The following TUSC3 variants were observed in gnomAD, a reference collection of about 807,000 sequenced individuals.
TUSC3 encodes dolichyl-diphosphooligosaccharide--protein glycosyltransferase subunit TUSC3.
A neutral mutation model predicts 44.8 loss-of-function variants in TUSC3; 45 were observed. That is an observed-to-expected ratio of 1.00 (90% CI 0.79 to 1.29). TUSC3 has a LOEUF of 1.29. Among genes scored for constraint, TUSC3 ranks in the 50% most tolerant of loss-of-function variants. The pLI is 0.00. For missense variants in TUSC3, 519 were observed against 437.9 expected (o/e 1.19, Z -1.65); for synonymous variants, 212 against 152.9 (o/e 1.39, Z -2.85).
chr8:15,634,034 C>T (rs1440803154), intron 2 of TUSC3, among the ~76,000 whole-genome samples: 1 of 152,150 alleles, frequency 6.6e-6, no homozygotes, highest in Non-Finnish European at 1.5e-5. Flanking sequence ...CTACTGTGAT[C>T]CGAGGGCTGT....
intron 1 of TUSC3, among the ~76,000 whole-genome samples, chr8:15,568,066 C>T (rs989678480): frequency 6.6e-6 from 1 of 152,080 alleles, no homozygotes; most frequent in Non-Finnish European, 1.5e-5. Flanking sequence ...CCTCTTGTCA[C>T]GATTGGCACA....
downstream of TUSC3, among the ~76,000 whole-genome samples, chr8:15,769,726 A>G (rs1261200501): frequency 6.6e-6 from 1 of 152,192 alleles, no homozygotes; most frequent in African/African-American, 2.4e-5. Context: ...ACTGAAATTT[A>G]TAAGAGAAAA....
chr8:15,699,564 A>T (rs1398622787), intron 6 of TUSC3, among the ~76,000 whole-genome samples: 1 of 152,230 alleles, frequency 6.6e-6, no homozygotes, highest in East Asian at 1.9e-4. Flanking sequence ...GAAAAAGATT[A>T]TATGCAGAAA....
chr8:15,661,819 C>T (rs924587590), intron 4 of TUSC3, among the ~76,000 whole-genome samples: 9 of 146,926 alleles, frequency 6.1e-5, no homozygotes, highest in African/African-American at 7.6e-5. Flanking sequence ...TATATATATA[C>T]ATGAGTCTTA....
intron 8 of TUSC3, among the ~76,000 whole-genome samples, chr8:15,746,318 A>G (rs1208272569): frequency 6.6e-6 from 1 of 152,054 alleles, no homozygotes. Context: ...CAAATTAATT[A>G]TTCATGTTGT....
chr8:15,774,692 T>C, the TUSC3 span, among the ~76,000 whole-genome samples: 32 of 152,122 alleles, frequency 2.1e-4, no homozygotes, highest in Admixed American at 3.3e-4. Context: ...AACATCAGAG[T>C]AAAATATACA....
At chr8:15,520,223 G>C (rs1420920809) in intron 2 of TUSC3, among the ~76,000 whole-genome samples, 2 of 152,136 alleles carry the variant, frequency 1.3e-5, no homozygotes, top group Admixed American at 6.5e-5. Flanking sequence ...AGTGAGACAT[G>C]GTCTCTGTCA....
chr8:15,511,068 C>G (rs373219383), intron 2 of TUSC3, among the ~76,000 whole-genome samples: 2 of 152,152 alleles, frequency 1.3e-5, no homozygotes, highest in East Asian at 1.9e-4. Flanking sequence ...AAGATAACGT[C>G]CTCTACCCGA....
intron 1 of TUSC3, among the ~76,000 whole-genome samples, chr8:15,607,357 G>A (rs1328686970): frequency 6.6e-6 from 1 of 152,082 alleles, no homozygotes; most frequent in African/African-American, 2.4e-5. Context: ...AAACTTTTAA[G>A]TGGCTCAAAA....
chr8:15,660,233 C>T (rs12546484), intron 4 of TUSC3, among the ~76,000 whole-genome samples: 25,858 of 151,658 alleles, frequency 0.17, 2,235 homozygotes, highest in South Asian at 0.26. Flanking sequence ...GAATATAAAT[C>T]AAATGTCTAA....
the TUSC3 span, among the ~76,000 whole-genome samples, chr8:15,803,112 C>T: frequency 6.6e-6 from 1 of 152,124 alleles, no homozygotes; most frequent in East Asian, 1.9e-4. Context: ...AGGTTAGTTA[C>T]CTTCATAATG....
rs578177992 is a variant in TUSC3, at chr8:15,461,890, TA to T, written n.92-21489del. Among the ~76,000 whole-genome samples the T allele has an allele frequency of 8.5e-4, 130 of 152,056 alleles. 1 individual carries two copies. Among genetic ancestry groups the T allele is most frequent in the Middle Eastern group, 3.4e-3 (1 of 294 alleles). On this transcript the variant is annotated intron_variant and non_coding_transcript_variant, in intron 1 of 5. Transcript: ENST00000503191. ...ATTTTAAAATTTACTAAACTACGTA[TA>T]AAAAAATACTGTATGAAACTATAGT...
At chr8:15,426,855 T>G (rs1206732396) in intron 1 of TUSC3, among the ~76,000 whole-genome samples, 1 of 152,186 alleles carries the variant, frequency 6.6e-6, no homozygotes, top group Non-Finnish European at 1.5e-5. Context: ...CCCACCAGCA[T>G]TGTACAAGGG....
At chr8:15,470,462 CATGTCA>C (rs1800475468) in intron 1 of TUSC3, among the ~76,000 whole-genome samples, 1 of 151,982 alleles carries the variant, frequency 6.6e-6, no homozygotes, top group Non-Finnish European at 1.5e-5. Flanking sequence ...TTGATAATGA[CATGTCA>C]ATGTAGGCTC....
downstream of TUSC3, among the ~76,000 whole-genome samples, chr8:15,769,468 TA>T (rs1238741559): frequency 6.6e-6 from 1 of 152,078 alleles, no homozygotes; most frequent in African/African-American, 2.4e-5. Context: ...CCTAAAACCT[TA>T]AAAACCCTAG....
At chr8:15,824,312 C>G in the TUSC3 span, among the ~76,000 whole-genome samples, 2 of 152,104 alleles carry the variant, frequency 1.3e-5, no homozygotes, top group African/African-American at 4.8e-5. Flanking sequence ...GCAAATAAAC[C>G]AAACACTCAG....
At chr8:15,839,246 A>G in the TUSC3 span, among the ~76,000 whole-genome samples, 1 of 152,198 alleles carries the variant, frequency 6.6e-6, no homozygotes, top group East Asian at 1.9e-4. Context: ...TATCAGCTTA[A>G]GGAGATTTTG....
intron 2 of TUSC3, among the ~76,000 whole-genome samples, chr8:15,509,182 A>G (rs1015544852): frequency 6.6e-6 from 1 of 152,224 alleles, no homozygotes; most frequent in Non-Finnish European, 1.5e-5. Context: ...TTTTCCAACA[A>G]CAGAGTACAG....
intron 2 of TUSC3, among the ~76,000 whole-genome samples, chr8:15,502,016 A>G (rs1035356035): frequency 7.2e-5 from 11 of 152,146 alleles, no homozygotes; most frequent in East Asian, 1.9e-4. Flanking sequence ...GTTTTGATTC[A>G]TATATTTTAA....
Sources: allele counts gnomAD v4.1 joint callset (sites outside exome capture counted in the v4.1 genomes callset), GRCh38; gene constraint gnomAD v4.1.1; transcripts MANE v1.5; gene names NCBI Gene and HGNC (gene_info 2026-07-23, HGNC 2026-07-21).